Variants in PRKDC observed in about 807,000 individuals in gnomAD.
PRKDC encodes the protein DNA-dependent protein kinase catalytic subunit.
In PRKDC, 82 loss-of-function variants were observed where a neutral mutation model predicts 486.9. That is an observed-to-expected ratio of 0.17 (90% CI 0.14 to 0.20). The LOEUF (loss-of-function observed/expected upper bound fraction) is 0.20, where lower values mean the gene tolerates loss of function less well. Among genes scored for constraint, PRKDC ranks in the 10% least tolerant of loss-of-function variants. PRKDC has a pLI of 1.00. For synonymous variants in PRKDC, 1,895 were observed against 1,837.0 expected (o/e 1.03, Z -0.81); for missense variants, 4,504 against 5,038.2 (o/e 0.89, Z 3.21).
chr8:47,920,669 T>C (rs775331730), intron 21 of PRKDC, among the ~76,000 whole-genome samples: 2 of 152,230 alleles, frequency 1.3e-5, no homozygotes, highest in Non-Finnish European at 2.9e-5. Flanking sequence ...AATATTTTGG[T>C]TTAAATAAAT....
At chr8:47,887,884 C>G (rs2089371520) in intron 34 of PRKDC, among the ~76,000 whole-genome samples, 179 bp from the exon 35 acceptor site, 3 of 152,210 alleles carry the variant, frequency 2.0e-5, no homozygotes, top group African/African-American at 7.2e-5. Flanking sequence ...GAGACAGGGT[C>G]TTGCTCTGTC....
chr8:47,881,115 A>T (rs963229266), intron 38 of PRKDC, among the ~76,000 whole-genome samples: 2 of 151,944 alleles, frequency 1.3e-5, no homozygotes, highest in African/African-American at 4.8e-5. Context: ...AGAAAGAAAG[A>T]AATGTTCTCA....
chr8:47,858,453 T>C (rs1212467672), intron 48 of PRKDC, 63 bp downstream of exon 48: 10 of 1,333,822 alleles, frequency 7.5e-6, no homozygotes, highest in Non-Finnish European at 1.0e-5. Flanking sequence ...GATTCATTCA[T>C]AGAATTGAAT....
chr8:47,835,914 C>T (rs1190726117), intron 58 of PRKDC, among the ~76,000 whole-genome samples: 3 of 152,022 alleles, frequency 2.0e-5, no homozygotes, highest in Non-Finnish European at 2.9e-5. Context: ...TACAGGCGTG[C>T]GCCACCATGC....
At chr8:47,839,369 C>G (rs745695121) in intron 55 of PRKDC, 123 bp from the exon 56 acceptor site, 1 of 703,920 alleles carries the variant, frequency 1.4e-6, no homozygotes, top group Non-Finnish European at 2.4e-6. Context: ...GACTTTAGAT[C>G]TCCAAATCAC....
intron 83 of PRKDC, 83 bp from the exon 84 acceptor site, chr8:47,777,957 AG>A: frequency 8.0e-7 from 1 of 1,253,676 alleles, no homozygotes; most frequent in Non-Finnish European, 1.1e-6. Context: ...ATCCTCACAT[AG>A]TTACTGTTCA....
In PRKDC at chr8:47,778,738, C is replaced by G; in HGVS notation, c.11641G>C (p.Asp3881His). Residue 3881 changes from aspartate (D) to histidine (H), a missense_variant, in exon 82 of 86, where the codon GAT (aspartate) becomes CAT (histidine). Transcript: ENST00000314191. ...CAGAAGGGTACTTACTTTAAGAGAT[C>G]AGCAGGCACTTTACTTTCTCGTTTT... ...FRKRESKVPA[D>H]LLKRAFVRMS... 1 of 1,613,788 alleles carries G rather than the reference C, an allele frequency of 6.2e-7. No homozygotes were observed. Among genetic ancestry groups the G allele is most frequent in the Non-Finnish European group, 8.5e-7 (1 of 1,179,790 alleles).
At chr8:47,784,678 T>C (rs2086761180) in intron 77 of PRKDC, among the ~76,000 whole-genome samples, 1 of 151,990 alleles carries the variant, frequency 6.6e-6, no homozygotes, top group African/African-American at 2.4e-5. Flanking sequence ...TTCCTGCAGG[T>C]CAGTGACTTA....
At chr8:47,888,425 A>G in intron 34 of PRKDC, 93 bp downstream of exon 34, 1 of 1,150,144 alleles carries the variant, frequency 8.7e-7, no homozygotes. Flanking sequence ...AGCATGCTCA[A>G]TACATAAAGG....
In PRKDC at chr8:47,897,155, C is replaced by T; in HGVS notation, c.3598+6G>A. The T allele has an allele frequency of 6.3e-7, 1 of 1,588,810 alleles. No homozygotes were observed. The highest frequency in any genetic ancestry group is 1.1e-5 in the South Asian group (1 of 89,216). ...GGTGAAATTAAAGATATACAGATTA[C>T]CATACCTGGCAATAAAGGAACGAAT... On this transcript the variant is annotated splice_donor_region_variant and intron_variant, in intron 30 of 85. Transcript: ENST00000314191.
chr8:47,860,302 G>T (rs2088647092), intron 45 of PRKDC, among the ~76,000 whole-genome samples: 2 of 152,340 alleles, frequency 1.3e-5, no homozygotes, highest in African/African-American at 4.8e-5. Context: ...TAAACAAAAT[G>T]TCATGAGGTA....
intron 36 of PRKDC, 117 bp from the exon 37 acceptor site, chr8:47,882,214 G>A: frequency 1.1e-6 from 1 of 952,282 alleles, no homozygotes; most frequent in South Asian, 1.8e-5. Flanking sequence ...TTCTATAATA[G>A]ATGTTTATCT....
At chr8:47,889,906 G>A (rs760517472) in intron 32 of PRKDC, among the ~76,000 whole-genome samples, 2 of 151,968 alleles carry the variant, frequency 1.3e-5, no homozygotes, top group African/African-American at 4.8e-5. Context: ...CATATATGAG[G>A]TAACAGATAC....
At chr8:47,845,622 C>A (rs150692264) in intron 54 of PRKDC, among the ~76,000 whole-genome samples, 2,089 of 149,250 alleles carry the variant, frequency 0.014, 37 homozygotes, top group African/African-American at 0.041. Context: ...AACAAACAAA[C>A]AAAAACCTGA....
intron 73 of PRKDC, among the ~76,000 whole-genome samples, chr8:47,796,802 C>A (rs2086994498): frequency 6.6e-6 from 1 of 151,992 alleles, no homozygotes; most frequent in Admixed American, 6.6e-5. Context: ...CCGTGTTGGC[C>A]AGGCTGGTCT....
intron 3 of PRKDC, among the ~76,000 whole-genome samples, chr8:47,956,612 A>G (rs2090706151): frequency 6.6e-6 from 1 of 151,866 alleles, no homozygotes; most frequent in African/African-American, 2.4e-5. Flanking sequence ...CTGAGGTGTG[A>G]GAATCACCTG....
intron 50 of PRKDC, 72 bp from the exon 51 acceptor site, chr8:47,854,286 G>C (rs1398407500): frequency 1.3e-6 from 2 of 1,547,102 alleles, no homozygotes; most frequent in Non-Finnish European, 1.8e-6. Context: ...GACAAATACA[G>C]AATTTTATTT....
intron 1 of PRKDC, 50 bp downstream of exon 1, chr8:47,959,922 CG>C: frequency 6.6e-7 from 1 of 1,519,954 alleles, no homozygotes; most frequent in Non-Finnish European, 8.8e-7. Flanking sequence ...GGCTCCAGAA[CG>C]ACTCGGGAAG....
intron 74 of PRKDC, among the ~76,000 whole-genome samples, chr8:47,791,407 G>A (rs554816624): frequency 6.6e-5 from 10 of 152,172 alleles, no homozygotes; most frequent in Admixed American, 1.3e-4. Flanking sequence ...CCCGGGAGGC[G>A]CAGGTTGCAG....
Sources: allele counts gnomAD v4.1 joint callset (sites outside exome capture counted in the v4.1 genomes callset), GRCh38; gene constraint gnomAD v4.1.1; transcripts MANE v1.5; gene names NCBI Gene and HGNC (gene_info 2026-07-23, HGNC 2026-07-21).